Variants in NLGN1 observed in about 807,000 individuals in gnomAD.
NLGN1 encodes the protein neuroligin-1.
A neutral mutation model predicts 65.5 loss-of-function variants in NLGN1; 12 were observed. The ratio of observed to expected loss-of-function variants is 0.18; its 90% CI spans 0.12 to 0.30. NLGN1 has a LOEUF of 0.30. NLGN1 is among the 10% of genes least tolerant of loss of function. The pLI is 1.00. For synonymous variants in NLGN1, 350 were observed against 359.5 expected, an observed-to-expected ratio of 0.97 and a Z score of 0.30; for missense variants, 750 against 1,007.1, an observed-to-expected ratio of 0.74 and a Z score of 3.46.
chr3:174,259,365 A>G (rs1746406192), intron 4 of NLGN1, among the ~76,000 whole-genome samples: 1 of 150,682 alleles, frequency 6.6e-6, no homozygotes, highest in South Asian at 2.1e-4. Flanking sequence ...CTCACACATC[A>G]CCTCTCTCTC....
chr3:173,930,896 G>A (rs556684620), intron 4 of NLGN1, among the ~76,000 whole-genome samples: 1 of 152,224 alleles, frequency 6.6e-6, no homozygotes, highest in South Asian at 2.1e-4. Flanking sequence ...AAGTCACTAA[G>A]CTCTCTGATG....
At chr3:173,409,610 T>C (rs1712082642) in intron 1 of NLGN1, among the ~76,000 whole-genome samples, 1 of 152,188 alleles carries the variant, frequency 6.6e-6, no homozygotes, top group Admixed American at 6.5e-5. Flanking sequence ...ACAATGTCTC[T>C]TACACACGTC....
chr3:173,935,635 C>CTCTT (rs1553894859), intron 4 of NLGN1, among the ~76,000 whole-genome samples: 2,660 of 150,472 alleles, frequency 0.018, 71 homozygotes, highest in African/African-American at 0.051. Context: ...CTCTCTCTCT[C>CTCTT]TCTCTCTCTC....
intron 4 of NLGN1, among the ~76,000 whole-genome samples, chr3:174,118,484 G>C (rs1717040552): frequency 1.3e-5 from 2 of 152,072 alleles, no homozygotes; most frequent in Non-Finnish European, 2.9e-5. Context: ...CTAATGTAGT[G>C]ATAAAAACTA....
intron 4 of NLGN1, among the ~76,000 whole-genome samples, chr3:174,233,104 A>AT (rs1741024248): frequency 5.3e-5 from 8 of 152,194 alleles, no homozygotes; most frequent in Admixed American, 5.2e-4. Context: ...CTGGGGTGGC[A>AT]GCAAGACAGG....
At chr3:173,625,290 T>C (rs1415378645) in intron 3 of NLGN1, among the ~76,000 whole-genome samples, 2 of 152,094 alleles carry the variant, frequency 1.3e-5, no homozygotes, top group Non-Finnish European at 2.9e-5. Flanking sequence ...AGATGTGTTT[T>C]GAGATGTGTG....
chr3:173,436,036 C>T (rs566124810), intron 2 of NLGN1, among the ~76,000 whole-genome samples: 1 of 152,166 alleles, frequency 6.6e-6, no homozygotes, highest in South Asian at 2.1e-4. Context: ...AACCTACAGC[C>T]GCAAGAACAA....
intron 4 of NLGN1, among the ~76,000 whole-genome samples, chr3:174,128,151 T>C (rs866530528): frequency 1.3e-5 from 2 of 152,160 alleles, no homozygotes; most frequent in Admixed American, 6.6e-5. Context: ...GAAATTTTTA[T>C]TGGAAACACT....
In NLGN1 at chr3:173,747,795, C is replaced by CTTCTTTTTTTTTT. The variant is rs1560289220; in HGVS notation, c.494-59883_494-59882insCTTTTTTTTTTTT. Among the ~76,000 whole-genome samples, 50 of 78,584 alleles carry CTTCTTTTTTTTTT rather than the reference C, an allele frequency of 6.4e-4. 2 individuals carry two copies. The highest frequency in any genetic ancestry group is 3.1e-3 in the African/African-American group (50 of 16,126). 51.6% of individuals were successfully genotyped at this position (78,584 alleles called of 152,430 possible). On this transcript the variant is annotated intron_variant, in intron 3 of 6. Coordinates refer to ENST00000457714, the Ensembl canonical transcript of NLGN1. The stretch of plus-strand genomic sequence containing the variant: ...AAACAAAATTTTCTTTCTTCTTCTT[C>CTTCTTTTTTTTTT]TTGTTCTTTTTTTTTTTTTTTTTTT...
intron 3 of NLGN1, among the ~76,000 whole-genome samples, chr3:173,634,614 TTCATTTAA>T (rs1756285104): frequency 6.6e-6 from 1 of 152,308 alleles, no homozygotes; most frequent in South Asian, 2.1e-4. Flanking sequence ...AGTGTCATGA[TTCATTTAA>T]TCATTTTCAC....
chr3:174,260,916 T>C (rs1577655361), intron 4 of NLGN1, among the ~76,000 whole-genome samples: 8 of 147,536 alleles, frequency 5.4e-5, no homozygotes, highest in South Asian at 4.4e-4. Flanking sequence ...TAGCCAGTTT[T>C]CCCAGCACCA....
At chr3:173,815,503 T>C (rs937445140) in intron 4 of NLGN1, among the ~76,000 whole-genome samples, 1 of 152,160 alleles carries the variant, frequency 6.6e-6, no homozygotes, top group Admixed American at 6.5e-5. Flanking sequence ...TTATCTTGTA[T>C]GATCACTTCC....
intron 4 of NLGN1, among the ~76,000 whole-genome samples, chr3:174,120,389 C>A (rs957296572): frequency 6.6e-6 from 1 of 151,990 alleles, no homozygotes; most frequent in Non-Finnish European, 1.5e-5. Context: ...TGCCTGTAAT[C>A]CCACCTACTT....
chr3:173,488,100 C>A (rs1223028332), intron 2 of NLGN1, among the ~76,000 whole-genome samples: 1 of 151,610 alleles, frequency 6.6e-6, no homozygotes, highest in African/African-American at 2.4e-5. Context: ...TTTATTTCTA[C>A]TTTTTAGTGT....
At chr3:174,010,001 A>C (rs1349236526) in intron 4 of NLGN1, among the ~76,000 whole-genome samples, 1 of 152,172 alleles carries the variant, frequency 6.6e-6, no homozygotes, top group Non-Finnish European at 1.5e-5. Flanking sequence ...TTGGGATCAC[A>C]AAAAGAACTT....
intron 4 of NLGN1, among the ~76,000 whole-genome samples, chr3:174,245,963 A>G (rs1389334076): frequency 1.3e-5 from 2 of 152,162 alleles, no homozygotes. Context: ...AATTGTACCC[A>G]TTGTCAATTT....
chr3:174,077,043 A>G (rs1288444626), intron 4 of NLGN1, among the ~76,000 whole-genome samples: 1 of 152,160 alleles, frequency 6.6e-6, no homozygotes, highest in Non-Finnish European at 1.5e-5. Context: ...ATAAATGCTG[A>G]TTTGTTTAAA....
At chr3:173,621,483 T>C (rs1433763253) in intron 3 of NLGN1, among the ~76,000 whole-genome samples, 1 of 152,074 alleles carries the variant, frequency 6.6e-6, no homozygotes, top group Non-Finnish European at 1.5e-5. Context: ...GGATGAGGCA[T>C]TTTACTATCA....
At chr3:174,268,544 C>A (rs938196177) in intron 4 of NLGN1, among the ~76,000 whole-genome samples, 1 of 151,966 alleles carries the variant, frequency 6.6e-6, no homozygotes, top group African/African-American at 2.4e-5. Flanking sequence ...TTTTTCTAAC[C>A]ATTACAACCT....
Sources: allele counts gnomAD v4.1 joint callset (sites outside exome capture counted in the v4.1 genomes callset), GRCh38; gene constraint gnomAD v4.1.1; transcripts MANE v1.5; gene names NCBI Gene and HGNC (gene_info 2026-07-23, HGNC 2026-07-21).